ATP13A2: variants seen among roughly 807,000 people sequenced by gnomAD.
ATP13A2 encodes the protein polyamine-transporting ATPase 13A2.
Under a neutral mutation model 138.3 loss-of-function variants are expected in ATP13A2, and 83 were observed. The ratio of observed to expected loss-of-function variants is 0.60; its 90% confidence interval spans 0.50 to 0.72. The LOEUF is 0.72. ATP13A2 is among the 30% of genes least tolerant of loss of function. The pLI, the probability that ATP13A2 is intolerant of heterozygous loss-of-function variation, is 0.00. For synonymous variants in ATP13A2, 663 were observed against 699.0 expected (o/e 0.95, Z 0.81); for missense variants, 1,402 against 1,606.4 (o/e 0.87, Z 2.17).
intron 12 of ATP13A2, 97 bp downstream of exon 12, chr1:16,996,923 T>G: frequency 6.8e-7 from 1 of 1,461,036 alleles, no homozygotes; most frequent in Non-Finnish European, 9.3e-7. Flanking sequence ...GAGGTGGGCG[T>G]GGGGTCCAGG....
chr1:17,000,717 C>A, intron 8 of ATP13A2, 183 bp from the exon 9 acceptor site: 6 of 743,332 alleles, frequency 8.1e-6, no homozygotes, highest in Non-Finnish European at 1.3e-5. Flanking sequence ...TCAGTTTCTC[C>A]GCTCTAAAGA....
rs1483570501 is a variant in ATP13A2 at position 16,996,090 on chromosome 1, G to A, written c.1428C>T (p.Ala476=). The A allele has an allele frequency of 1.4e-5, 23 of 1,614,124 alleles. No homozygotes were observed. Among genetic ancestry groups the A allele is most frequent in the Non-Finnish European group, 1.9e-5 (23 of 1,180,048 alleles). The change falls in exon 15 of 29, where the codon GCC becomes GCT. Residue 476 remains alanine, a synonymous_variant. Transcript: ENST00000326735. ...TVVVPPALPA[A]MTVCTLYAQS... ...GGGCGTAGAGCGTGCACACAGTCAT[G>A]GCAGCAGGCAGGGCAGGTGGCACCA... is the stretch of plus-strand genomic sequence containing the variant.
chr1:17,005,574 G>C lies in ATP13A2; in HGVS notation c.106-18C>G. On this transcript the variant is annotated intron_variant, in intron 2 of 28. Transcript: ENST00000326735. Reference sequence around the variant, plus strand: ...CTGAGCCTCTGCGAACGCAGCGAGAGAGGGCCCAGGTCGGGGTGGGAACGG... The same window carrying C: ...CTGAGCCTCTGCGAACGCAGCGAGACAGGGCCCAGGTCGGGGTGGGAACGG... 6.2e-7 allele frequency: 1 copy of C among 1,614,246 alleles called. No homozygotes were observed. Among genetic ancestry groups the C allele is most frequent in the South Asian group, 1.1e-5 (1 of 91,082 alleles).
chr1:17,005,788 G>A lies in ATP13A2; in HGVS notation c.11-10C>T. ...ACGAGAGGGCTGCTGTCTGTGGACA[G>A]AAAAGAGAAAGGTCATTTGGGGAGG... On this transcript the variant is annotated splice_polypyrimidine_tract_variant and intron_variant, in intron 1 of 28. Transcript: ENST00000326735. 2 of 1,603,982 alleles carry A rather than the reference G, an allele frequency of 1.2e-6. No homozygotes were observed. Among genetic ancestry groups the A allele is most frequent in the Non-Finnish European group, 1.7e-6 (2 of 1,175,144 alleles).
In ATP13A2 at chr1:17,002,113, G is replaced by C; in HGVS notation, c.636-10C>G. 6.2e-7 allele frequency: 1 copy of C among 1,612,838 alleles called. No homozygotes were observed. The highest frequency in any genetic ancestry group is 8.5e-7 in the Non-Finnish European group (1 of 1,179,402). On this transcript the variant is annotated splice_polypyrimidine_tract_variant and intron_variant, in intron 7 of 28. Transcript: ENST00000326735. ...GCCGTAAATGGCCTTCCTGGAAGAGGGGATGAGGCCAAGCCATCAGAAGGA... is the reference window on the plus strand; with the variant it reads ...GCCGTAAATGGCCTTCCTGGAAGAGCGGATGAGGCCAAGCCATCAGAAGGA...
At chr1:16,990,382 C>T in intron 20 of ATP13A2, 95 bp from the exon 21 acceptor site, 2 of 1,501,666 alleles carry the variant, frequency 1.3e-6, no homozygotes, top group Non-Finnish European at 1.8e-6. Context: ...TGGATGAAAT[C>T]CGTCTGCCAC....
At position 16,993,644 on chromosome 1, in the gene ATP13A2, C is replaced by A; in HGVS notation, c.1734G>T (p.Val578=). 1 of 1,589,056 alleles carries A rather than the reference C, an allele frequency of 6.3e-7. No homozygotes were observed. Among genetic ancestry groups the A allele is most frequent in the East Asian group, 2.3e-5 (1 of 44,018 alleles). Residue 578 remains valine (V), a synonymous_variant, in exon 16 of 29, where the codon GTG becomes GTT. Coordinates refer to ENST00000326735, the MANE Select transcript of ATP13A2 (RefSeq NM_022089.4). ...GCCTCCTCACCCAGCCAGTAGACTC[C>A]ACCATCTTCAAGTCCATGGGGTCGC... ...PVGDPMDLKM[V]ESTGWVLEEE... is the part of the protein sequence containing the mutation.
At position 16,988,954 on chromosome 1, in the gene ATP13A2, T is replaced by A. The variant is rs901615360; in HGVS notation, c.2610-480A>T. Reference sequence around the variant, plus strand: ...CGGCCTATTATTTTTTGAGACAGAGTCTCCCTCTGTTGCCCAGGCTAGAGT... The same window carrying A: ...CGGCCTATTATTTTTTGAGACAGAGACTCCCTCTGTTGCCCAGGCTAGAGT... On this transcript the variant is annotated intron_variant, in intron 23 of 28. Transcript: ENST00000326735. Among the ~76,000 whole-genome samples the A allele has an allele frequency of 2.7e-5, 4 of 146,290 alleles. No homozygotes were observed. In the South Asian group the frequency reaches 8.6e-4, roughly 31 times the overall value.
rs1334912986 is a variant in ATP13A2 at position 16,986,231 on chromosome 1, G to T, written c.3533C>A (p.Pro1178His). Residue 1178 changes from proline (P) to histidine (H), a missense_variant, in exon 29 of 29, where the codon CCC becomes CAC. Coordinates refer to ENST00000326735, the MANE Select transcript of ATP13A2 (RefSeq NM_022089.4). The surrounding 1 kb of genome is among the most constrained non-coding windows in gnomAD (Gnocchi z 6.9). Reference protein sequence around the residue: ...EQPWPPLPAGPLR With the variant: ...EQPWPPLPAGHLR ...GCCCGTGGGCCTGCACTACCTCAGG[G>T]GGCCGGCGGGCAGCGGCGGCCAGGG... 1.9e-6 allele frequency: 3 copies of T among 1,611,818 alleles called. No individual in the cohort carries two copies. The highest frequency in any genetic ancestry group is 2.5e-6 in the Non-Finnish European group (3 of 1,179,336).
At position 16,993,764 on chromosome 1, in the gene ATP13A2, G is replaced by A. The variant is rs56351817; in HGVS notation, c.1614C>T (p.Pro538=). The change falls in exon 16 of 29, where the codon CCC becomes CCT. Residue 538 remains proline, a synonymous_variant. Transcript: ENST00000326735. Reference sequence around the variant, plus strand: ...GCAGGCGGCGAGGCTCTGGGACCAGGGGCAGGAATGCCTGCCCCTTCAGGG... The same window carrying A: ...GCAGGCGGCGAGGCTCTGGGACCAGAGGCAGGAATGCCTGCCCCTTCAGGG... ...VVPLKGQAFL[P]LVPEPRRLPV... is the part of the protein sequence containing the mutation. 3,469 of 1,589,758 alleles carry A rather than the reference G, an allele frequency of 2.2e-3. 21 individuals are homozygous for A. The highest frequency in any genetic ancestry group is 0.013 in the Middle Eastern group (73 of 5,622).
chr1:16,996,113 C>T lies in ATP13A2; in HGVS notation c.1405G>A (p.Val469Met), dbSNP rs1326057817. 4.3e-6 allele frequency: 7 copies of T among 1,613,988 alleles called. No homozygotes were observed. The African/African-American group carries it at 9.3e-5, about 22-fold the overall frequency. ...IRALDLVTVV[V>M]PPALPAAMTV... Reference sequence around the variant, plus strand: ...ATGGCAGCAGGCAGGGCAGGTGGCACCACCACGGTCACCAGGTCGAGAGCC... The same window carrying T: ...ATGGCAGCAGGCAGGGCAGGTGGCATCACCACGGTCACCAGGTCGAGAGCC... Residue 469 changes from valine (V) to methionine (M), a missense_variant, in exon 15 of 29, where the codon GTG becomes ATG. Physicochemically the swap from Val to Met is conservative, Grantham distance 21. Coordinates refer to ENST00000326735, the MANE Select transcript of ATP13A2 (RefSeq NM_022089.4).
rs1014710808 is a variant in ATP13A2 at position 17,004,631 on chromosome 1, C to T, written c.477+61G>A. On this transcript the variant is annotated intron_variant, in intron 5 of 28. Coordinates refer to ENST00000326735, the MANE Select transcript of ATP13A2 (RefSeq NM_022089.4). The surrounding 1 kb of genome is among the most constrained non-coding windows in gnomAD (Gnocchi z 4.1). ...GTGGGAGAACATGAAGTCTGACTCT[C>T]CCATTGCACAGATCATGAAACCGAG... The T allele has an allele frequency of 6.2e-6, 10 of 1,613,590 alleles. No individual in the cohort carries two copies. In the African/African-American group the frequency reaches 1.2e-4, roughly 19 times the overall value.
chr1:16,991,681 C>T, intron 20 of ATP13A2, 53 bp downstream of exon 20: 2 of 1,613,468 alleles, frequency 1.2e-6, no homozygotes, highest in Non-Finnish European at 1.7e-6. Flanking sequence ...TCTTCTCTGC[C>T]AGGAAGGGGC....
At chr1:17,007,483 G>A (rs973023015) in intron 1 of ATP13A2, among the ~76,000 whole-genome samples, 7 of 151,912 alleles carry the variant, frequency 4.6e-5, no homozygotes, top group African/African-American at 9.7e-5. Flanking sequence ...GGGCGGGTGC[G>A]GGGTAGGCTG....
chr1:17,011,665 G>A lies in ATP13A2; in HGVS notation c.10+64C>T. The A allele has an allele frequency of 6.8e-7, 1 of 1,472,448 alleles. No homozygotes were observed. 91.2% of individuals were successfully genotyped at this position (1,472,448 alleles called of 1,614,324 possible). On this transcript the variant is annotated intron_variant, in intron 1 of 28. Transcript: ENST00000326735. The surrounding 1 kb of genome is among the most constrained non-coding windows in gnomAD (Gnocchi z 7.3). ...GTCGCCTCCCCTCTCCCTCCAAGGG[G>A]TGACGACAACTGGCGGGCCGGGGAC...
intron 6 of ATP13A2, among the ~76,000 whole-genome samples, chr1:17,002,799 C>T (rs774530334): frequency 2.6e-5 from 4 of 152,126 alleles, no homozygotes; most frequent in East Asian, 1.9e-4. Context: ...CTGCTTTGGA[C>T]GTGCCTGCCA....
rs1293271804 is a variant in ATP13A2 at position 16,993,842 on chromosome 1, G to A, written c.1543-7C>T. On this transcript the variant is annotated splice_region_variant and splice_polypyrimidine_tract_variant and intron_variant, in intron 15 of 28. Coordinates refer to ENST00000326735, the MANE Select transcript of ATP13A2 (RefSeq NM_022089.4). ...CCTCAGTGAGGGTGCCCGTCTGTGG[G>A]AGACAGGTGGGTGGGGCAGCGATGA... The A allele has an allele frequency of 7.8e-6, 12 of 1,546,408 alleles. No homozygotes were observed. Among genetic ancestry groups the A allele is most frequent in the Admixed American group, 2.0e-5 (1 of 51,224 alleles).
chr1:16,986,558 C>T lies in ATP13A2; in HGVS notation c.3310G>A (p.Gly1104Arg). ...GTGATGTTCCTCAGCGCCAGCGGCC[C>T]CTGCAGGAGGCCGGGGACCAGGACA... ...GLVLVPGLLQ[G>R]PLALRNITDT... The change falls in exon 28 of 29, where the codon GGG becomes AGG. Residue 1104 changes from glycine to arginine, a missense_variant. Gly to Arg is a moderately radical substitution (Grantham distance 125). Coordinates refer to ENST00000326735, the MANE Select transcript of ATP13A2 (RefSeq NM_022089.4). This position sits in a 1 kb window ranked among gnomAD's most constrained non-coding sequence, Gnocchi z 6.9. 6.2e-7 allele frequency: 1 copy of T among 1,612,392 alleles called. No homozygotes were observed. The highest frequency in any genetic ancestry group is 8.5e-7 in the Non-Finnish European group (1 of 1,179,818).
At chr1:16,990,565 T>C (rs904821854) in intron 20 of ATP13A2, among the ~76,000 whole-genome samples, 7 of 152,246 alleles carry the variant, frequency 4.6e-5, no homozygotes, top group African/African-American at 1.4e-4. Context: ...TGGCCCAGGC[T>C]GGAGTGCAGT....
Sources: allele counts gnomAD v4.1 joint callset (sites outside exome capture counted in the v4.1 genomes callset), GRCh38; gene constraint gnomAD v4.1.1; non-coding constraint Gnocchi (gnomAD v3.1); transcripts MANE v1.5; gene names NCBI Gene and HGNC (gene_info 2026-07-23, HGNC 2026-07-21).